ASAP1: variants seen among roughly 807,000 people sequenced by gnomAD.
ASAP1 encodes ArfGAP with SH3 domain, ankyrin repeat and PH domain 1.
Under a neutral mutation model 145.2 loss-of-function variants are expected in ASAP1, and 43 were observed. That is an observed-to-expected ratio of 0.30 (90% CI 0.23 to 0.38). ASAP1 has a LOEUF of 0.38. Among genes scored for constraint, ASAP1 ranks in the 10% least tolerant of loss-of-function variants. The probability of loss-of-function intolerance (pLI) is 1.00; values close to 1 mark genes in which losing one functional copy is unlikely to be tolerated. For synonymous variants in ASAP1, 546 were observed against 515.5 expected, an observed-to-expected ratio of 1.06 and a Z score of -0.80; for missense variants, 1,018 against 1,355.3, an observed-to-expected ratio of 0.75 and a Z score of 3.91.
At chr8:130,296,435 G>C (rs1303680589) in intron 3 of ASAP1, among the ~76,000 whole-genome samples, 1 of 152,084 alleles carries the variant, frequency 6.6e-6, no homozygotes, top group Non-Finnish European at 1.5e-5. Context: ...GCTTACTCCA[G>C]GGCAAAACTC....
At chr8:130,387,567 A>G (rs1392385384) in intron 2 of ASAP1, among the ~76,000 whole-genome samples, 5 of 151,468 alleles carry the variant, frequency 3.3e-5, no homozygotes, top group Admixed American at 1.3e-4. Context: ...ACAGGTCCCA[A>G]CCAATTTTTT....
intron 5 of ASAP1, among the ~76,000 whole-genome samples, chr8:130,211,419 G>A (rs752818135): frequency 7.2e-5 from 11 of 152,096 alleles, no homozygotes; most frequent in Non-Finnish European, 1.6e-4. Flanking sequence ...ATCACAGACA[G>A]TTCAGAAAAA....
intron 18 of ASAP1, among the ~76,000 whole-genome samples, chr8:130,123,796 T>TTG (rs2097570331): frequency 1.3e-5 from 2 of 151,948 alleles, no homozygotes; most frequent in African/African-American, 4.8e-5. Flanking sequence ...CCCGGCTAAT[T>TTG]TTTAAAAAAT....
intron 17 of ASAP1, 122 bp downstream of exon 17, chr8:130,125,832 ACT>A: frequency 9.9e-7 from 1 of 1,008,112 alleles, no homozygotes; most frequent in Non-Finnish European, 1.4e-6. Flanking sequence ...GTCTACGCAA[ACT>A]CACAAAATTC....
At chr8:130,164,686 CA>C (rs2097676400) in intron 11 of ASAP1, among the ~76,000 whole-genome samples, 1 of 152,124 alleles carries the variant, frequency 6.6e-6, no homozygotes, top group Non-Finnish European at 1.5e-5. Flanking sequence ...AATATAATTT[CA>C]TAGAACATTT....
At position 130,116,880 on chromosome 8, in the gene ASAP1, C is replaced by T; in HGVS notation, c.1996G>A (p.Val666Ile). The T allele has an allele frequency of 6.2e-7, 1 of 1,611,786 alleles. No individual in the cohort carries two copies. The highest frequency in any genetic ancestry group is 8.5e-7 in the Non-Finnish European group (1 of 1,177,956). Residue 666 changes from valine to isoleucine, a missense_variant and splice_region_variant, in exon 21 of 30, where the codon GTT becomes ATT. By Grantham distance (29) the Val-to-Ile change is conservative (BLOSUM62 3). Coordinates refer to ENST00000518721, the MANE Select transcript of ASAP1 (RefSeq NM_018482.4). ...LLRSKPTVDIVNQAGETALDI... is the reference protein window; with the variant it reads ...LLRSKPTVDIINQAGETALDI... ...ATGAAGACACTAGACACACTCTTAC[C>T]TATATCCACAGTGGGCTTGCTCCTG...
chr8:130,325,700 C>G (rs1435269352), intron 3 of ASAP1, among the ~76,000 whole-genome samples: 2 of 152,168 alleles, frequency 1.3e-5, no homozygotes, highest in Admixed American at 1.3e-4. Context: ...GTATTAATTA[C>G]CACATGCTGA....
intron 3 of ASAP1, among the ~76,000 whole-genome samples, chr8:130,291,875 C>T (rs912710727): frequency 6.6e-6 from 1 of 152,156 alleles, no homozygotes; most frequent in Non-Finnish European, 1.5e-5. Flanking sequence ...CATTTCACTG[C>T]TTACGAGGGG....
intron 13 of ASAP1, among the ~76,000 whole-genome samples, chr8:130,142,690 TG>T (rs1408325142): frequency 6.6e-6 from 1 of 151,952 alleles, no homozygotes. Context: ...ATGGACAAAC[TG>T]GGAAGTGTGA....
chr8:130,074,866 A>G (rs1253975745), intron 27 of ASAP1, among the ~76,000 whole-genome samples: 1 of 152,200 alleles, frequency 6.6e-6, no homozygotes, highest in East Asian at 1.9e-4. Flanking sequence ...AGACTGCCAC[A>G]CTGACTGTGC....
At position 130,080,055 on chromosome 8, in the gene ASAP1, C is replaced by G. The variant is rs536814056; in HGVS notation, c.2573-84G>C. On this transcript the variant is annotated intron_variant, in intron 25 of 29. Coordinates refer to ENST00000518721, the MANE Select transcript of ASAP1 (RefSeq NM_018482.4). Reference sequence around the variant, plus strand: ...TACATGGGTTTGGCCTGTAGACAGGCATTGCTCAGGTTCCAGAACGGCATT... The same window carrying G: ...TACATGGGTTTGGCCTGTAGACAGGGATTGCTCAGGTTCCAGAACGGCATT... 4 of 1,249,442 alleles carry G rather than the reference C, an allele frequency of 3.2e-6. No individual in the cohort carries two copies. The African/African-American group carries it at 5.9e-5, about 19-fold the overall frequency. 77.4% of individuals were successfully genotyped at this position (1,249,442 alleles called of 1,614,324 possible). A position where few individuals can be genotyped will look rare whatever the true frequency, so the allele number is the denominator to read the frequency against.
chr8:130,200,401 A>C (rs1815791928), intron 5 of ASAP1, among the ~76,000 whole-genome samples: 1 of 152,158 alleles, frequency 6.6e-6, no homozygotes, highest in Admixed American at 6.5e-5. Context: ...CAAACCCTGC[A>C]CAAACAAGCC....
At chr8:130,124,678 G>T (rs1241738131) in intron 17 of ASAP1, among the ~76,000 whole-genome samples, 1 of 152,162 alleles carries the variant, frequency 6.6e-6, no homozygotes, top group Non-Finnish European at 1.5e-5. Flanking sequence ...GTTCTGAAGG[G>T]CCTCTAATCA....
At chr8:130,145,240 A>T (rs759275503) in intron 13 of ASAP1, among the ~76,000 whole-genome samples, 86 of 152,390 alleles carry the variant, frequency 5.6e-4, no homozygotes, top group Admixed American at 2.1e-3. Context: ...ACAAGGGTAC[A>T]TAAAACTAAA....
intron 1 of ASAP1, among the ~76,000 whole-genome samples, chr8:130,406,126 T>C (rs1829016557): frequency 6.6e-6 from 1 of 152,214 alleles, no homozygotes; most frequent in African/African-American, 2.4e-5. Flanking sequence ...AAACAAAGAA[T>C]ACATTTCAAT....
At chr8:130,056,006 TG>T (rs1202754817) in intron 29 of ASAP1, among the ~76,000 whole-genome samples, 1 of 152,242 alleles carries the variant, frequency 6.6e-6, no homozygotes, top group African/African-American at 2.4e-5. Context: ...CCCCTAGGAA[TG>T]ATGCTAGGGA....
At chr8:130,267,798 G>A (rs774009437) in intron 3 of ASAP1, among the ~76,000 whole-genome samples, 4 of 152,140 alleles carry the variant, frequency 2.6e-5, no homozygotes, top group South Asian at 2.1e-4. Context: ...AAATCTTCCC[G>A]TAAGTAGTCT....
chr8:130,124,242 G>A (rs1362105951), intron 17 of ASAP1, 138 bp from the exon 18 acceptor site: 5 of 658,842 alleles, frequency 7.6e-6, no homozygotes, highest in Non-Finnish European at 1.3e-5. Context: ...CGTCCATCTG[G>A]TCTACAAATA....
chr8:130,370,504 G>C (rs1006511021), intron 2 of ASAP1, among the ~76,000 whole-genome samples: 1 of 152,182 alleles, frequency 6.6e-6, no homozygotes, highest in Non-Finnish European at 1.5e-5. Context: ...ATCCAGTCTA[G>C]GGTAATTTGT....
Sources: allele counts gnomAD v4.1 joint callset (sites outside exome capture counted in the v4.1 genomes callset), GRCh38; gene constraint gnomAD v4.1.1; transcripts MANE v1.5; gene names NCBI Gene and HGNC (gene_info 2026-07-23, HGNC 2026-07-21).